Variants in ARHGEF28 observed in about 807,000 individuals in gnomAD.
The protein encoded by ARHGEF28 is Rho guanine nucleotide exchange factor 28.
A neutral mutation model predicts 206.6 loss-of-function variants in ARHGEF28; 152 were observed. The observed-to-expected ratio is 0.74, with a 90% CI of 0.64 to 0.84. The LOEUF (loss-of-function observed/expected upper bound fraction) is 0.84. Ranked by LOEUF, ARHGEF28 falls within the 40% of genes least tolerant of loss-of-function variation. The probability of loss-of-function intolerance (pLI) is 0.00; values close to 1 mark genes in which losing one functional copy is unlikely to be tolerated. For missense variants in ARHGEF28, 2,028 were observed against 2,073.2 expected (o/e 0.98, Z 0.42); for synonymous variants, 763 against 776.4 (o/e 0.98, Z 0.29).
Position 73,880,077 on chromosome 5 carries a change from T to C in ARHGEF28, c.2815-2395T>C, listed in dbSNP as rs1192790359. On this transcript the variant is annotated intron_variant, in intron 22 of 35. Transcript: ENST00000513042. The stretch of plus-strand genomic sequence containing the variant: ...GGCCTCCTTGAGCTGTGGTGGGCTC[T>C]ACCCACTTGGAGCTTCCCCGCTGCT... Among the ~76,000 whole-genome samples, 4 of 152,222 alleles carry C rather than the reference T, an allele frequency of 2.6e-5. No individual in the cohort carries two copies. In the East Asian group the frequency reaches 7.7e-4, roughly 29 times the overall value.
chr5:73,707,348 TC>T (rs1287679692), intron 2 of ARHGEF28, among the ~76,000 whole-genome samples: 1 of 152,102 alleles, frequency 6.6e-6, no homozygotes, highest in Non-Finnish European at 1.5e-5. Flanking sequence ...TGGAAGGAAA[TC>T]CACCTGGCAG....
At chr5:73,824,868 T>C (rs1344943738) in intron 9 of ARHGEF28, among the ~76,000 whole-genome samples, 1 of 151,882 alleles carries the variant, frequency 6.6e-6, no homozygotes, top group Non-Finnish European at 1.5e-5. Context: ...TCAGTAAGTG[T>C]TGAAAAAAAG....
chr5:73,892,285 A>T, intron 27 of ARHGEF28, 55 bp downstream of exon 27: 2 of 1,512,832 alleles, frequency 1.3e-6, no homozygotes, highest in Non-Finnish European at 1.8e-6. Context: ...ACTGGGGAAA[A>T]TATTCTAACC....
intron 2 of ARHGEF28, among the ~76,000 whole-genome samples, chr5:73,727,827 A>T (rs1184046119): frequency 6.6e-6 from 1 of 152,134 alleles, no homozygotes; most frequent in South Asian, 2.1e-4. Context: ...TCAGCAGGCC[A>T]TGGCCAATGC....
chr5:73,806,691 G>A (rs191993345), intron 9 of ARHGEF28, among the ~76,000 whole-genome samples: 1,726 of 124,882 alleles, frequency 0.014, 43 homozygotes, highest in African/African-American at 0.024. Flanking sequence ...ACGATATATC[G>A]TATACATCTA....
chr5:73,930,926 C>G (rs556786667), intron 35 of ARHGEF28, among the ~76,000 whole-genome samples: 3 of 152,298 alleles, frequency 2.0e-5, no homozygotes, highest in Admixed American at 1.3e-4. Flanking sequence ...GCCATCCCTT[C>G]TCTCTCCTGT....
At chr5:73,781,801 A>T (rs1753862036) in intron 7 of ARHGEF28, among the ~76,000 whole-genome samples, 1 of 152,170 alleles carries the variant, frequency 6.6e-6, no homozygotes, top group African/African-American at 2.4e-5. Flanking sequence ...AGGATATTAT[A>T]TTGATTTTTA....
intron 2 of ARHGEF28, 145 bp downstream of exon 2, chr5:73,685,029 G>A (rs1747366573): frequency 1.4e-6 from 1 of 716,104 alleles, no homozygotes; most frequent in African/African-American, 1.8e-5. Flanking sequence ...TCTAGTTCAA[G>A]TATTTGCATG....
intron 9 of ARHGEF28, among the ~76,000 whole-genome samples, chr5:73,817,220 G>A (rs1410280325): frequency 6.6e-6 from 1 of 152,158 alleles, no homozygotes; most frequent in Non-Finnish European, 1.5e-5. Flanking sequence ...TGCCTTTCCA[G>A]TGACACATAG....
intron 35 of ARHGEF28, among the ~76,000 whole-genome samples, chr5:73,934,850 A>G (rs948442536): frequency 6.6e-6 from 1 of 152,198 alleles, no homozygotes; most frequent in Non-Finnish European, 1.5e-5. Context: ...TTTATCGTCA[A>G]TATCTATTGG....
intron 10 of ARHGEF28, among the ~76,000 whole-genome samples, chr5:73,839,169 A>G (rs2973575): frequency 0.31 from 47,859 of 152,052 alleles, 9,165 homozygotes; most frequent in East Asian, 0.54. Context: ...GGCATAGGAC[A>G]TCAATCTGTC....
chr5:73,758,896 G>A (rs560417534), intron 4 of ARHGEF28, among the ~76,000 whole-genome samples: 16 of 152,342 alleles, frequency 1.1e-4, no homozygotes, highest in African/African-American at 3.8e-4. Flanking sequence ...ACAAAACAAA[G>A]TATTACCTGG....
intron 30 of ARHGEF28, chr5:73,900,234 A>G (rs1762182918): frequency 6.6e-6 from 1 of 152,256 alleles, no homozygotes; most frequent in Non-Finnish European, 1.5e-5. Context: ...AGCATTTCCT[A>G]TATTGGAAAT....
rs1179148266 is a variant in ARHGEF28 at position 73,873,242 on chromosome 5, A to G, written c.2810A>G (p.Gln937Arg). The G allele has an allele frequency of 3.1e-6, 5 of 1,609,266 alleles. No individual in the cohort carries two copies. In the East Asian group the frequency reaches 8.9e-5, roughly 29 times the overall value. Reference protein sequence around the residue: ...VIDRIGDILVQQFSEENASKM... With the variant: ...VIDRIGDILVRQFSEENASKM... ...GACCGAATTGGAGATATTTTGGTAC[A>G]ACAGGTAAGAAGAGCTTAAAGTCCT... is the stretch of plus-strand genomic sequence containing the variant. The change falls in exon 22 of 36, where the codon CAA (glutamine) becomes CGA (arginine). Residue 937 changes from glutamine (Q) to arginine (R), a missense_variant. Around this residue, in one of 3 missense-constraint regions of ARHGEF28, gnomAD observed 223 missense variants for 289.9 expected, o/e 0.77. Coordinates refer to ENST00000513042, the MANE Select transcript of ARHGEF28 (RefSeq NM_001177693.2).
At chr5:73,755,035 A>T (rs2112408642) in intron 4 of ARHGEF28, among the ~76,000 whole-genome samples, 1 of 151,814 alleles carries the variant, frequency 6.6e-6, no homozygotes, top group South Asian at 2.1e-4. Context: ...AATATTTCTT[A>T]AACTCTTGCT....
rs1052357958 is a variant in ARHGEF28, at chr5:73,941,299, T to G, written c.*286T>G. The G allele has an allele frequency of 1.7e-5, 3 of 171,738 alleles. No individual in the cohort carries two copies. The highest frequency in any genetic ancestry group is 7.1e-5 in the African/African-American group (3 of 42,026). 10.6% of individuals were successfully genotyped at this position (171,738 alleles called of 1,614,324 possible). Reference sequence around the variant, plus strand: ...AAGTTGTTTTGACGCTAGAGTAAAATTCCATGTCACATTTTCTACCCAATC... The same window carrying G: ...AAGTTGTTTTGACGCTAGAGTAAAAGTCCATGTCACATTTTCTACCCAATC... On this transcript the variant is annotated 3_prime_UTR_variant, in exon 36 of 36. Transcript: ENST00000513042.
At chr5:73,680,275 T>C (rs1357814314) in intron 1 of ARHGEF28, among the ~76,000 whole-genome samples, 1 of 151,284 alleles carries the variant, frequency 6.6e-6, no homozygotes, top group Non-Finnish European at 1.5e-5. Flanking sequence ...TCTGTACTAA[T>C]AATACAAAAA....
At chr5:73,861,132 G>C (rs1045811894) in intron 16 of ARHGEF28, among the ~76,000 whole-genome samples, 9 of 152,096 alleles carry the variant, frequency 5.9e-5, no homozygotes, top group African/African-American at 2.2e-4. Context: ...AGTTATTTTA[G>C]GGCCCTAATC....
intron 2 of ARHGEF28, among the ~76,000 whole-genome samples, chr5:73,724,437 A>G (rs184964025): frequency 1.6e-4 from 24 of 152,326 alleles, no homozygotes; most frequent in Admixed American, 1.4e-3. Flanking sequence ...ACGTGCATAT[A>G]GTAAAATCCC....
Sources: allele counts gnomAD v4.1 joint callset (sites outside exome capture counted in the v4.1 genomes callset), GRCh38; gene constraint gnomAD v4.1.1; regional missense constraint gnomAD v4.1.1; transcripts MANE v1.5; gene names NCBI Gene and HGNC (gene_info 2026-07-23, HGNC 2026-07-21).